Variants in DKK3 observed in about 807,000 individuals in gnomAD.
The protein encoded by DKK3 is dickkopf-related protein 3.
A neutral mutation model predicts 33.2 loss-of-function variants in DKK3; 22 were observed. The observed-to-expected ratio is 0.66, with a 90% confidence interval of 0.47 to 0.95. DKK3 has a LOEUF of 0.95. Among genes scored for constraint, DKK3 ranks in the 40% least tolerant of loss-of-function variants. The pLI is 0.00. For synonymous variants in DKK3, 194 were observed against 188.8 expected (o/e 1.03, Z -0.23); for missense variants, 398 against 458.4 (o/e 0.87, Z 1.20).
At chr11:11,996,924 A>T (rs146997874) in intron 3 of DKK3, among the ~76,000 whole-genome samples, 221 of 152,378 alleles carry the variant, frequency 1.5e-3, no homozygotes, top group African/African-American at 5.1e-3. Flanking sequence ...ACACAAGGCC[A>T]TGCATGCTTG....
upstream of DKK3, chr11:12,008,783 G>A: frequency 3.0e-5 from 36 of 1,185,804 alleles, no homozygotes; most frequent in Non-Finnish European, 3.8e-5. The surrounding 1 kb of genome is among the most constrained non-coding windows in gnomAD (Gnocchi z 4.6). Flanking sequence ...CCGAAAAGAC[G>A]CGACCCCACC....
Position 12,002,293 on chromosome 11 carries a change from G to T in DKK3, c.351+7C>A. The T allele has an allele frequency of 1.2e-6, 2 of 1,612,286 alleles. No individual in the cohort carries two copies. Among genetic ancestry groups the T allele is most frequent in the South Asian group, 2.2e-5 (2 of 90,934 alleles). ...ATAGAAAGGAGGAAGTGCTGGCCAT[G>T]ACTTACCTTGTGAATTTCTCGGTGC... On this transcript the variant is annotated splice_region_variant and intron_variant, in intron 2 of 6. Transcript: ENST00000683431.
At chr11:12,008,630 C>G (rs1247602557), upstream of DKK3, 1 of 1,320,836 alleles carries the variant, frequency 7.6e-7, no homozygotes. This position sits in a 1 kb window ranked among gnomAD's most constrained non-coding sequence, Gnocchi z 4.6. Flanking sequence ...GGAACGCGAT[C>G]AGAGGCGCGC....
intron 3 of DKK3, among the ~76,000 whole-genome samples, chr11:11,984,991 G>T (rs979871623): frequency 6.6e-6 from 1 of 152,198 alleles, no homozygotes; most frequent in African/African-American, 2.4e-5. Context: ...AAACTTTAAT[G>T]TTTCAGTGGT....
At chr11:11,967,803 T>C (rs1267780562) in intron 4 of DKK3, among the ~76,000 whole-genome samples, 1 of 152,230 alleles carries the variant, frequency 6.6e-6, no homozygotes, top group East Asian at 1.9e-4. Context: ...CATTTCCCAA[T>C]CTAACCTGCA....
intron 3 of DKK3, chr11:11,994,838 G>C (rs1364162195): frequency 1.3e-5 from 2 of 152,150 alleles, no homozygotes; most frequent in Non-Finnish European, 2.9e-5. Context: ...CTGCTCCATG[G>C]GAAAAGACGG....
chr11:11,991,550 T>A (rs1848187914), intron 3 of DKK3, among the ~76,000 whole-genome samples: 1 of 151,442 alleles, frequency 6.6e-6, no homozygotes, highest in African/African-American at 2.4e-5. Flanking sequence ...TGAGACACTG[T>A]CTCTACAAAA....
At position 12,008,325 on chromosome 11, in the gene DKK3, C is replaced by G. The variant is rs745764456; in HGVS notation, c.213+45G>C. 13 of 1,568,324 alleles carry G rather than the reference C, an allele frequency of 8.3e-6. No homozygotes were observed. In the Admixed American group the frequency reaches 2.0e-4, roughly 24 times the overall value. On this transcript the variant is annotated intron_variant, in intron 1 of 6. Coordinates refer to ENST00000683431, the MANE Select transcript of DKK3 (RefSeq NM_001018057.2). The surrounding 1 kb of genome is among the most constrained non-coding windows in gnomAD (Gnocchi z 4.6). ...ATGCCTTCCCAGACTTCGCTGCCCCCAGTCTGGCGCTTCTCAGAGCCCCGC... is the reference window on the plus strand; with the variant it reads ...ATGCCTTCCCAGACTTCGCTGCCCCGAGTCTGGCGCTTCTCAGAGCCCCGC...
chr11:11,990,493 C>T (rs539008237), intron 3 of DKK3, among the ~76,000 whole-genome samples: 89 of 152,386 alleles, frequency 5.8e-4, no homozygotes, highest in Non-Finnish European at 9.7e-4. Flanking sequence ...GAATGTCTGT[C>T]TTCCAAACCA....
At chr11:12,006,533 C>T (rs1315645640) in intron 1 of DKK3, among the ~76,000 whole-genome samples, 1 of 144,894 alleles carries the variant, frequency 6.9e-6, no homozygotes, top group East Asian at 1.9e-4. Context: ...GAGGACACCT[C>T]TGGGAAAGAG....
chr11:11,990,002 CATGTTGTAGCCCT>C (rs1848155190), intron 3 of DKK3, among the ~76,000 whole-genome samples: 1 of 152,156 alleles, frequency 6.6e-6, no homozygotes, highest in East Asian at 1.9e-4. Flanking sequence ...AATACTGGGA[CATGTTGTAGCCCT>C]TGATGTTATT....
intron 6 of DKK3, 116 bp downstream of exon 6, chr11:11,965,693 A>G: frequency 1.5e-6 from 2 of 1,337,756 alleles, no homozygotes; most frequent in South Asian, 2.9e-5. Flanking sequence ...TCTCAAACCA[A>G]TCCTAAAGGG....
chr11:11,968,567 G>A (rs1362793663), intron 3 of DKK3, 80 bp from the exon 4 acceptor site: 78 of 1,366,992 alleles, frequency 5.7e-5, no homozygotes, highest in Non-Finnish European at 7.1e-5. Context: ...GGCCAGGCCC[G>A]CTTCCATTCC....
intron 3 of DKK3, among the ~76,000 whole-genome samples, chr11:11,993,717 CG>C (rs1321606461): frequency 2.0e-5 from 3 of 152,090 alleles, no homozygotes; most frequent in African/African-American, 7.2e-5. Flanking sequence ...ACGAAGTCAA[CG>C]CAAAATATAA....
intron 3 of DKK3, among the ~76,000 whole-genome samples, chr11:11,991,824 T>G (rs963001704): frequency 6.6e-6 from 1 of 152,200 alleles, no homozygotes; most frequent in Non-Finnish European, 1.5e-5. Context: ...GAGAAGTGCC[T>G]TTGCTTATAA....
At chr11:11,996,882 C>A in intron 3 of DKK3, among the ~76,000 whole-genome samples, 1 of 152,230 alleles carries the variant, frequency 6.6e-6, no homozygotes, top group East Asian at 1.9e-4. Flanking sequence ...CTGGGCCTCC[C>A]AGATGAGATC....
intron 3 of DKK3, among the ~76,000 whole-genome samples, chr11:11,980,146 C>T (rs933012598): frequency 1.3e-5 from 2 of 152,222 alleles, no homozygotes; most frequent in African/African-American, 4.8e-5. Context: ...CAGCAACCTA[C>T]AGAAAACCAA....
chr11:11,976,110 C>T (rs936130808), intron 3 of DKK3, among the ~76,000 whole-genome samples: 2 of 152,210 alleles, frequency 1.3e-5, no homozygotes, highest in African/African-American at 4.8e-5. Context: ...CTCTCCTGAG[C>T]TTAAGTGTGG....
At position 11,963,315 on chromosome 11, in the gene DKK3, A is replaced by T. The variant is rs573551503; in HGVS notation, c.*1149T>A. 1 of 152,592 alleles carries T rather than the reference A, an allele frequency of 6.6e-6. No individual in the cohort carries two copies. The highest frequency in any genetic ancestry group is 1.5e-5 in the Non-Finnish European group (1 of 68,030). The allele number at this position is 152,592 out of a possible 1,614,324, so 9.5% of individuals were successfully genotyped here. A position where few individuals can be genotyped will look rare whatever the true frequency, so the allele number is the denominator to read the frequency against. ...GTGTTCGCAGTCGCATATTACAACCATGTTTCACACAGCCCTGCTCGGTTT... is the reference window on the plus strand; with the variant it reads ...GTGTTCGCAGTCGCATATTACAACCTTGTTTCACACAGCCCTGCTCGGTTT... On this transcript the variant is annotated 3_prime_UTR_variant, in exon 7 of 7. Transcript: ENST00000683431.
Sources: gnomAD v4.1 joint callset for allele counts (sites outside exome capture counted in the v4.1 genomes callset) on GRCh38, gnomAD v4.1.1 for gene constraint, Gnocchi (gnomAD v3.1) non-coding constraint, MANE v1.5 for transcripts, NCBI Gene and HGNC (gene_info 2026-07-23, HGNC 2026-07-21) for gene names.